The following TTLL5 variants were observed in gnomAD, a reference collection of about 807,000 sequenced individuals.
The protein encoded by TTLL5 is tubulin polyglutamylase TTLL5.
Under a neutral mutation model 168.4 loss-of-function variants are expected in TTLL5, and 132 were observed. The observed-to-expected ratio is 0.78, with a 90% CI of 0.68 to 0.91. The LOEUF is 0.91. TTLL5 is among the 40% of genes least tolerant of loss of function. TTLL5 has a pLI of 0.00. For synonymous variants in TTLL5, 546 were observed against 558.6 expected, an observed-to-expected ratio of 0.98 and a Z score of 0.32; for missense variants, 1,545 against 1,581.5, an observed-to-expected ratio of 0.98 and a Z score of 0.39.
chr14:75,791,858 G>T (rs547206440), intron 26 of TTLL5, among the ~76,000 whole-genome samples: 1 of 152,068 alleles, frequency 6.6e-6, no homozygotes, highest in African/African-American at 2.4e-5. Context: ...TGAGTTTAAA[G>T]ATTTTTTTTG....
chr14:75,858,331 TA>T (rs1897238133), intron 28 of TTLL5, among the ~76,000 whole-genome samples: 2 of 152,254 alleles, frequency 1.3e-5, no homozygotes, highest in South Asian at 4.1e-4. Context: ...TTGACCACCA[TA>T]GCATTTTCAC....
intron 29 of TTLL5, among the ~76,000 whole-genome samples, chr14:75,879,650 C>T (rs912691143): frequency 5.3e-5 from 8 of 152,188 alleles, no homozygotes; most frequent in Non-Finnish European, 1.2e-4. Flanking sequence ...TATGAGACAG[C>T]TCTGAGAAGT....
chr14:75,730,214 A>G (rs374045122), intron 12 of TTLL5, among the ~76,000 whole-genome samples: 1 of 152,060 alleles, frequency 6.6e-6, no homozygotes, highest in Non-Finnish European at 1.5e-5. Flanking sequence ...TTGCAAGTAG[A>G]TTTTTCCTTT....
intron 28 of TTLL5, among the ~76,000 whole-genome samples, chr14:75,832,142 C>T (rs1482234394): frequency 6.6e-6 from 1 of 152,174 alleles, no homozygotes; most frequent in Non-Finnish European, 1.5e-5. Context: ...CTGCTGGTCT[C>T]AGAGTAAACT....
rs377009783 is a variant in TTLL5, at chr14:75,815,357, T to C, written c.3172-4650T>C. On this transcript the variant is annotated intron_variant, in intron 27 of 31. Transcript: ENST00000298832. ...TCTCTCATTTAAGTAGCAGTCACTT[T>C]TGCTGTTTCTCAAATTAACAATGAT... 1.4e-4 allele frequency among the ~76,000 whole-genome samples: 22 copies of C among 152,378 alleles called. No homozygotes were observed. In the East Asian group the frequency reaches 1.9e-3, roughly 13 times the overall value.
Position 75,838,736 on chromosome 14 carries a change from G to A in TTLL5, c.3326+18575G>A, listed in dbSNP as rs140797786. 743 of 152,994 alleles carry A rather than the reference G, an allele frequency of 4.9e-3. 5 individuals are homozygous for A. The highest frequency in any genetic ancestry group is 7.9e-3 in the Non-Finnish European group (543 of 68,456). 9.5% of individuals were successfully genotyped at this position (152,994 alleles called of 1,614,324 possible). ...TGACAGTGCCTTTGGGGGCGAGGGT[G>A]AGGCACATCAGCACAGAGCCGCAGC... On this transcript the variant is annotated intron_variant, in intron 28 of 31. Coordinates refer to ENST00000298832, the MANE Select transcript of TTLL5 (RefSeq NM_015072.5).
intron 15 of TTLL5, among the ~76,000 whole-genome samples, chr14:75,737,138 A>T (rs1185897071): frequency 6.6e-6 from 1 of 152,206 alleles, no homozygotes; most frequent in East Asian, 1.9e-4. Context: ...CTTTATTGGC[A>T]ACTCTTTGCA....
At chr14:75,767,702 G>A (rs1039527581) in intron 20 of TTLL5, among the ~76,000 whole-genome samples, 7 of 152,206 alleles carry the variant, frequency 4.6e-5, no homozygotes, top group Non-Finnish European at 1.0e-4. Context: ...TGACTTTTAA[G>A]CAGATAAATG....
chr14:75,855,170 AT>A (rs1897070706), intron 28 of TTLL5, among the ~76,000 whole-genome samples: 1 of 150,906 alleles, frequency 6.6e-6, no homozygotes, highest in African/African-American at 2.4e-5. Flanking sequence ...AAAAAAAGAA[AT>A]AAGAAAAAAA....
intron 18 of TTLL5, among the ~76,000 whole-genome samples, chr14:75,761,309 A>G (rs79050575): frequency 0.016 from 2,371 of 152,276 alleles, 24 homozygotes; most frequent in Non-Finnish European, 0.024. Flanking sequence ...CACTTTAGGA[A>G]GAGACTGGCA....
chr14:75,700,498 A>T (rs535058780), intron 7 of TTLL5, among the ~76,000 whole-genome samples: 248 of 152,244 alleles, frequency 1.6e-3, no homozygotes, highest in African/African-American at 5.8e-3. Flanking sequence ...CACACTGTGT[A>T]TGAGGCCCCT....
At chr14:75,797,516 C>G (rs1893059486) in intron 27 of TTLL5, among the ~76,000 whole-genome samples, 1 of 152,036 alleles carries the variant, frequency 6.6e-6, no homozygotes, top group African/African-American at 2.4e-5. Context: ...ATATATTCAA[C>G]TTTTCTACTT....
chr14:75,785,990 T>C (rs1892341552), intron 26 of TTLL5, among the ~76,000 whole-genome samples: 2 of 152,196 alleles, frequency 1.3e-5, no homozygotes. Context: ...TAAACACTAG[T>C]AATAGCTATG....
chr14:75,707,738 G>C (rs753940009), intron 9 of TTLL5, 31 bp downstream of exon 9: 32 of 1,565,928 alleles, frequency 2.0e-5, no homozygotes, highest in Non-Finnish European at 2.8e-5. Context: ...GAAGGGGTTG[G>C]GTGGGTATAT....
chr14:75,891,475 G>A (rs564153777), intron 30 of TTLL5, among the ~76,000 whole-genome samples: 77 of 152,230 alleles, frequency 5.1e-4, no homozygotes, highest in Non-Finnish European at 8.4e-4. Context: ...CTAGACAGCA[G>A]TGTCCAATGG....
At chr14:75,731,026 G>C (rs1022708992) in intron 12 of TTLL5, among the ~76,000 whole-genome samples, 5 of 151,982 alleles carry the variant, frequency 3.3e-5, no homozygotes, top group Non-Finnish European at 7.4e-5. Flanking sequence ...CCTCATTCTA[G>C]GATTCTTAAT....
rs775585293 is a variant in TTLL5 at position 75,707,060 on chromosome 14, T to TA, written c.629dup (p.Tyr210Ter). 3 of 1,612,850 alleles carry TA rather than the reference T, an allele frequency of 1.9e-6. No homozygotes were observed. In the African/African-American group the frequency reaches 4.0e-5, roughly 22 times the overall value. Reference protein sequence around the residue: ...SLEENILVSRYINNPLLIDDF... With the variant: ...SLEENILVSR ...GGAAGAGAACATTTTGGTCTCCCGT[T>TA]ACATTAACAACCCCCTGCTCATAGA... is the stretch of plus-strand genomic sequence containing the variant. The change falls in exon 8 of 32, where the codon TAC becomes TAAC. Residue 210 changes from tyrosine to a stop codon, truncating the protein, a stop_gained and frameshift_variant. Coordinates refer to ENST00000298832, the MANE Select transcript of TTLL5 (RefSeq NM_015072.5). LOFTEE classifies it high-confidence loss of function.
chr14:75,821,195 G>A (rs1894809797), intron 28 of TTLL5, among the ~76,000 whole-genome samples: 1 of 152,178 alleles, frequency 6.6e-6, no homozygotes, highest in African/African-American at 2.4e-5. Flanking sequence ...ATAGATATAA[G>A]CACATTACAT....
intron 31 of TTLL5, among the ~76,000 whole-genome samples, chr14:75,949,483 T>C (rs961431367): frequency 1.4e-5 from 2 of 147,848 alleles, no homozygotes; most frequent in Admixed American, 1.4e-4. Context: ...ATATAAAGAA[T>C]ATATATATAT....
Sources: gnomAD v4.1 joint callset for allele counts (sites outside exome capture counted in the v4.1 genomes callset) on GRCh38, gnomAD v4.1.1 for gene constraint, MANE v1.5 for transcripts, NCBI Gene and HGNC (gene_info 2026-07-23, HGNC 2026-07-21) for gene names.